HES6: variants seen among roughly 807,000 people sequenced by gnomAD.
HES6 encodes hes family bHLH transcription factor 6.
HES6 carries 24 observed loss-of-function variants against 16.4 expected under a neutral mutation model. The ratio of observed to expected loss-of-function variants is 1.46; its 90% CI spans 1.06 to 2.06. The LOEUF (loss-of-function observed/expected upper bound fraction) is 2.06. Ranked by LOEUF, HES6 falls within the 30% of genes most tolerant of loss-of-function variation. The pLI, the probability that HES6 is intolerant of heterozygous loss-of-function variation, is 0.00. For missense variants in HES6, 355 were observed against 317.6 expected (o/e 1.12, Z -0.90); for synonymous variants, 159 against 144.3 (o/e 1.10, Z -0.73).
chr2:238,239,744 G>C lies in HES6; in HGVS notation c.85C>G (p.Arg29Gly), dbSNP rs1194306993. Residue 29 changes from arginine to glycine, a missense_variant, in exon 2 of 4, where the codon CGG becomes GGG. By Grantham distance (125) the Arg-to-Gly change is moderately radical. Coordinates refer to ENST00000272937, the MANE Select transcript of HES6 (RefSeq NM_018645.6). Reference sequence around the variant, plus strand: ...CGCTTCTTCTCCACCAGGGGCTTCCGGGCCTGCGGGGAGCGGGGCACTGAA... The same window carrying C: ...CGCTTCTTCTCCACCAGGGGCTTCCCGGCCTGCGGGGAGCGGGGCACTGAA... ...GWETRGDRKA[R>G]KPLVEKKRRA... 2 of 1,385,494 alleles carry C rather than the reference G, an allele frequency of 1.4e-6. No homozygotes were observed. The highest frequency in any genetic ancestry group is 1.6e-5 in the South Asian group (1 of 62,482). The allele number at this position is 1,385,494 out of a possible 1,614,324, so 85.8% of individuals were successfully genotyped here.
chr2:238,238,977 C>T lies in HES6; in HGVS notation c.525G>A (p.Pro175=), dbSNP rs539635017. ...CGGAGCACAGGTCGTCCCCAGGACC[C>T]GGGGGGCTGGGTATTGGGGATCCCG... ...GAPGSPIPSP[P]GPGDDLCSDL... is the part of the protein sequence containing the mutation. The change falls in exon 4 of 4, where the codon CCG becomes CCA. Residue 175 remains proline (P), a synonymous_variant. Coordinates refer to ENST00000272937, the MANE Select transcript of HES6 (RefSeq NM_018645.6). 3 of 1,603,576 alleles carry T rather than the reference C, an allele frequency of 1.9e-6. No homozygotes were observed. In the African/African-American group the frequency reaches 4.0e-5, roughly 21 times the overall value.
chr2:238,239,465 C>T, intron 3 of HES6, 22 bp downstream of exon 3: 4 of 1,280,498 alleles, frequency 3.1e-6, no homozygotes, highest in Non-Finnish European at 3.9e-6. Context: ...CCGGCGCCCC[C>T]GCCCGCCCCG....
At position 238,239,227 on chromosome 2, in the gene HES6, G is replaced by C. The variant is rs1273100884; in HGVS notation, c.275C>G (p.Ala92Gly). The C allele has an allele frequency of 2.5e-6, 4 of 1,608,420 alleles. No homozygotes were observed. Among genetic ancestry groups the C allele is most frequent in the Middle Eastern group, 3.3e-4 (2 of 6,046 alleles). Residue 92 changes from alanine (A) to glycine (G), a missense_variant, in exon 4 of 4, where the codon GCG becomes GGG. Transcript: ENST00000272937. ...GTAGCCGGCAGCGAAGCGCTCGCTC[G>C]CTTCCGCCTGCAGCTGCTCGCGCTC... ...AREREQLQAE[A>G]SERFAAGYIQ...
Position 238,239,942 on chromosome 2 carries a change from A to AGCGGGGACGGGGAGCG in HES6, c.-53_-38dup, listed in dbSNP as rs1276120652. The AGCGGGGACGGGGAGCG allele has an allele frequency of 1.7e-6, 2 of 1,176,910 alleles. No homozygotes were observed. Among genetic ancestry groups the AGCGGGGACGGGGAGCG allele is most frequent in the Non-Finnish European group, 2.1e-6 (2 of 948,770 alleles). 72.9% of individuals were successfully genotyped at this position (1,176,910 alleles called of 1,614,324 possible). On this transcript the variant is annotated 5_prime_UTR_variant, in exon 1 of 4. Transcript: ENST00000272937. The stretch of plus-strand genomic sequence containing the variant: ...CGGGGACGCGGCAGGGGCTAGGAGC[A>AGCGGGGACGGGGAGCG]GCGGGGACGGGGAGCGGCGGGGACC...
intron 3 of HES6, 65 bp from the exon 4 acceptor site, chr2:238,239,316 G>A (rs1355838717): frequency 2.7e-6 from 4 of 1,487,382 alleles, no homozygotes; most frequent in Non-Finnish European, 3.6e-6. Flanking sequence ...GCGTGGCCCA[G>A]CCCACCCGGC....
chr2:238,239,612 A>AGCCCCCCCCCCCC, intron 2 of HES6, 44 bp from the exon 3 acceptor site: 1 of 400,636 alleles, frequency 2.5e-6, no homozygotes, highest in Admixed American at 6.0e-5. Context: ...GCGCTCCCGG[A>AGCCCCCCCCCCCC]CCCGCCCGCC....
At position 238,238,712 on chromosome 2, in the gene HES6, AG is replaced by A. The variant is rs1294056464; in HGVS notation, c.*114del. The A allele has an allele frequency of 8.9e-6, 9 of 1,016,648 alleles. No homozygotes were observed. In the East Asian group the frequency reaches 2.1e-4, roughly 24 times the overall value. The allele number at this position is 1,016,648 out of a possible 1,614,324, so 63.0% of individuals were successfully genotyped here. ...CTGCAAGCCATCCATCAGAGGAGGG[AG>A]GGAAGACCTGGGAGACTTCCAGGGC... On this transcript the variant is annotated 3_prime_UTR_variant, in exon 4 of 4. Coordinates refer to ENST00000272937, the MANE Select transcript of HES6 (RefSeq NM_018645.6).
In HES6 at chr2:238,239,809, T is replaced by A; in HGVS notation, c.81+16A>T. 3 of 1,407,384 alleles carry A rather than the reference T, an allele frequency of 2.1e-6. No individual in the cohort carries two copies. The highest frequency in any genetic ancestry group is 2.8e-6 in the Non-Finnish European group (3 of 1,071,904). The allele number at this position is 1,407,384 out of a possible 1,614,324, so 87.2% of individuals were successfully genotyped here. A position where few individuals can be genotyped will look rare whatever the true frequency, so the allele number is the denominator to read the frequency against. On this transcript the variant is annotated intron_variant, in intron 1 of 3. Coordinates refer to ENST00000272937, the MANE Select transcript of HES6 (RefSeq NM_018645.6). ...GGCCTCCCGCCCGCTTGCTCGCCCA[T>A]GGCCCCGGCCCGCACCTTGCGGTCC...
Position 238,239,469 on chromosome 2 carries a change from C to A in HES6, c.250+18G>T. On this transcript the variant is annotated intron_variant, in intron 3 of 3. Transcript: ENST00000272937. ...GGCGCCCGCGGCCGGCGCCCCCGCC[C>A]GCCCCGCCGCCACTCACCGCGCGCC... 2 of 1,281,294 alleles carry A rather than the reference C, an allele frequency of 1.6e-6. No individual in the cohort carries two copies. The highest frequency in any genetic ancestry group is 2.0e-6 in the Non-Finnish European group (2 of 1,020,726). The allele number at this position is 1,281,294 out of a possible 1,614,324, so 79.4% of individuals were successfully genotyped here.
Position 238,239,990 on chromosome 2 carries a change from C to T in HES6, c.-85G>A. ...ACCGGAGTGCCGGCGCCCTCCGCTG[C>T]CCCGCGGCCGCCCAGCAGCAGCCCA... On this transcript the variant is annotated 5_prime_UTR_variant, in exon 1 of 4. Coordinates refer to ENST00000272937, the MANE Select transcript of HES6 (RefSeq NM_018645.6). 2.3e-6 allele frequency: 2 copies of T among 853,936 alleles called. No homozygotes were observed. Among genetic ancestry groups the T allele is most frequent in the East Asian group, 4.5e-5 (1 of 22,312 alleles). 52.9% of individuals were successfully genotyped at this position (853,936 alleles called of 1,614,324 possible).
chr2:238,239,516 A>G lies in HES6; in HGVS notation c.221T>C (p.Val74Ala). 7.6e-7 allele frequency: 1 copy of G among 1,312,282 alleles called. No homozygotes were observed. Among genetic ancestry groups the G allele is most frequent in the South Asian group, 1.9e-5 (1 of 51,966 alleles). 81.3% of individuals were successfully genotyped at this position (1,312,282 alleles called of 1,614,324 possible). Residue 74 changes from valine to alanine, a missense_variant, in exon 3 of 4, where the codon GTC (valine) becomes GCC (alanine). By Grantham distance (64) the Val-to-Ala change is moderately conservative (BLOSUM62 0). Transcript: ENST00000272937. Reference sequence around the variant, plus strand: ...CGCCCGGCCCCGCAGCACACCCTGGACCCGCCGCACCGTCAGCTCCAGCAC... The same window carrying G: ...CGCCCGGCCCCGCAGCACACCCTGGGCCCGCCGCACCGTCAGCTCCAGCAC... ...AEVLELTVRR[V>A]QGVLRGRARE... is the part of the protein sequence containing the mutation.
At chr2:238,239,332 G>T in intron 3 of HES6, 81 bp from the exon 4 acceptor site, 1 of 1,440,068 alleles carries the variant, frequency 6.9e-7, no homozygotes, top group East Asian at 2.6e-5. Flanking sequence ...CCGGCCCGCG[G>T]GGACGCGGCT....
In HES6 at chr2:238,239,492, G is replaced by A; in HGVS notation, c.245C>T (p.Ala82Val). The change falls in exon 3 of 4, where the codon GCG becomes GTG. Residue 82 changes from alanine to valine, a missense_variant. Physicochemically the swap from Ala to Val is moderately conservative, Grantham distance 64 (BLOSUM62 0). Transcript: ENST00000272937. ...RRVQGVLRGR[A>V]REREQLQAEA... Reference sequence around the variant, plus strand: ...CCCGCCCCGCCGCCACTCACCGCGCGCCCGGCCCCGCAGCACACCCTGGAC... The same window carrying A: ...CCCGCCCCGCCGCCACTCACCGCGCACCCGGCCCCGCAGCACACCCTGGAC... The A allele has an allele frequency of 7.8e-7, 1 of 1,287,090 alleles. No individual in the cohort carries two copies. Among genetic ancestry groups the A allele is most frequent in the South Asian group, 2.5e-5 (1 of 40,190 alleles). 79.7% of individuals were successfully genotyped at this position (1,287,090 alleles called of 1,614,324 possible).
intron 3 of HES6, 90 bp from the exon 4 acceptor site, chr2:238,239,341 C>T: frequency 7.1e-7 from 1 of 1,413,600 alleles, no homozygotes; most frequent in African/African-American, 1.5e-5. Context: ...GGGGACGCGG[C>T]TCACCCAGGA....
rs999596564 is a variant in HES6 at position 238,238,708 on chromosome 2, A to C, written c.*119T>G. On this transcript the variant is annotated 3_prime_UTR_variant, in exon 4 of 4. Coordinates refer to ENST00000272937, the MANE Select transcript of HES6 (RefSeq NM_018645.6). ...TGCCCTGCAAGCCATCCATCAGAGG[A>C]GGGAGGGAAGACCTGGGAGACTTCC... The C allele has an allele frequency of 5.1e-6, 5 of 982,422 alleles. No homozygotes were observed. In the Admixed American group the frequency reaches 1.3e-4, roughly 26 times the overall value. 60.9% of individuals were successfully genotyped at this position (982,422 alleles called of 1,614,324 possible).
Position 238,239,218 on chromosome 2 carries a change from C to A in HES6, c.284G>T (p.Arg95Leu). 6.2e-7 allele frequency: 1 copy of A among 1,609,740 alleles called. No homozygotes were observed. The highest frequency in any genetic ancestry group is 8.5e-7 in the Non-Finnish European group (1 of 1,179,298). ...GCACTGGATGTAGCCGGCAGCGAAGCGCTCGCTCGCTTCCGCCTGCAGCTG... is the reference window on the plus strand; with the variant it reads ...GCACTGGATGTAGCCGGCAGCGAAGAGCTCGCTCGCTTCCGCCTGCAGCTG... ...REQLQAEASE[R>L]FAAGYIQCMH... Residue 95 changes from arginine to leucine, a missense_variant, in exon 4 of 4, where the codon CGC (arginine) becomes CTC (leucine). Transcript: ENST00000272937.
At position 238,239,115 on chromosome 2, in the gene HES6, CAGA is replaced by C; in HGVS notation, c.384_386del (p.His128_Leu129delinsGln). 6.2e-7 allele frequency: 1 copy of C among 1,612,642 alleles called. No homozygotes were observed. Among genetic ancestry groups the C allele is most frequent in the Non-Finnish European group, 8.5e-7 (1 of 1,179,916 alleles). On this transcript the variant is annotated inframe_deletion, in exon 4 of 4. Coordinates refer to ENST00000272937, the MANE Select transcript of HES6 (RefSeq NM_018645.6). The stretch of plus-strand genomic sequence containing the variant: ...CCTCACGCAGCGGCATGGACTCGAG[CAGA>C]TGGTTCAGGAGCTCGGCAGCGACGG...
Position 238,238,503 on chromosome 2 carries a change from C to A in HES6, c.*324G>T. On this transcript the variant is annotated 3_prime_UTR_variant, in exon 4 of 4. Transcript: ENST00000272937. ...CAGCACCATTTCTGCCACCTCTGCCCCCAGAGCCCGCACAGGGCTGGTGAA... is the reference window on the plus strand; with the variant it reads ...CAGCACCATTTCTGCCACCTCTGCCACCAGAGCCCGCACAGGGCTGGTGAA... 1 of 380,756 alleles carries A rather than the reference C, an allele frequency of 2.6e-6. No individual in the cohort carries two copies. Among genetic ancestry groups the A allele is most frequent in the Non-Finnish European group, 4.8e-6 (1 of 208,450 alleles). The allele number at this position is 380,756 out of a possible 1,614,324, so 23.6% of individuals were successfully genotyped here.
Position 238,238,807 on chromosome 2 carries a change from AG to A in HES6, c.*19del. 3 of 1,543,984 alleles carry A rather than the reference AG, an allele frequency of 1.9e-6. No homozygotes were observed. Among genetic ancestry groups the A allele is most frequent in the Non-Finnish European group, 2.6e-6 (3 of 1,151,060 alleles). On this transcript the variant is annotated 3_prime_UTR_variant, in exon 4 of 4. Coordinates refer to ENST00000272937, the MANE Select transcript of HES6 (RefSeq NM_018645.6). ...CAGGGAGGGCCGGGCCCACCCCCGCAGGACTCTGGCTGGCATTGGTCACCAA... is the reference window on the plus strand; with the variant it reads ...CAGGGAGGGCCGGGCCCACCCCCGCAGACTCTGGCTGGCATTGGTCACCAA...
Sources: gnomAD v4.1 joint callset for allele counts on GRCh38, gnomAD v4.1.1 for gene constraint, MANE v1.5 for transcripts, NCBI Gene and HGNC (gene_info 2026-07-23, HGNC 2026-07-21) for gene names.